The following CNTN4 variants were observed in gnomAD, a reference collection of about 807,000 sequenced individuals.
CNTN4 encodes contactin 4.
Under a neutral mutation model 122.5 loss-of-function variants are expected in CNTN4, and 77 were observed. The ratio of observed to expected loss-of-function variants is 0.63; its 90% CI spans 0.52 to 0.76. The LOEUF (loss-of-function observed/expected upper bound fraction) is 0.76. Ranked by LOEUF, CNTN4 falls within the 30% of genes least tolerant of loss-of-function variation. CNTN4 has a pLI of 0.00. For missense variants in CNTN4, 1,256 were observed against 1,259.1 expected, an observed-to-expected ratio of 1.00 and a Z score of 0.04; for synonymous variants, 512 against 447.0, an observed-to-expected ratio of 1.15 and a Z score of -1.83.
intron 2 of CNTN4, among the ~76,000 whole-genome samples, chr3:2,311,251 C>A (rs1322511832): frequency 6.6e-6 from 1 of 152,068 alleles, no homozygotes; most frequent in African/African-American, 2.4e-5. Flanking sequence ...TAAAGCATTG[C>A]AGATTGAGTT....
At chr3:2,815,453 A>G (rs1439516803) in intron 6 of CNTN4, among the ~76,000 whole-genome samples, 1 of 152,202 alleles carries the variant, frequency 6.6e-6, no homozygotes, top group East Asian at 1.9e-4. Flanking sequence ...ACAGTTCTCA[A>G]AAGAGGATAT....
chr3:2,678,237 A>AT (rs2084977190), intron 4 of CNTN4, among the ~76,000 whole-genome samples: 1 of 152,212 alleles, frequency 6.6e-6, no homozygotes, highest in East Asian at 1.9e-4. Flanking sequence ...CTTTCTATAG[A>AT]TTTTTTGAGC....
intron 2 of CNTN4, among the ~76,000 whole-genome samples, chr3:2,315,135 A>G (rs976660711): frequency 5.3e-5 from 8 of 152,128 alleles, no homozygotes; most frequent in African/African-American, 1.9e-4. Flanking sequence ...CACAGAATTA[A>G]AAGAATTAGC....
In CNTN4 at chr3:2,979,771, T is replaced by C. The variant is rs1435447927; in HGVS notation, c.1359-8574T>C. Among the ~76,000 whole-genome samples the C allele has an allele frequency of 2.0e-5, 3 of 152,228 alleles. No homozygotes were observed. In the East Asian group the frequency reaches 5.8e-4, roughly 29 times the overall value. ...ATGATCACTCCATAATTTCTTTCTT[T>C]GCAGAAGGAGAGAAGTGGTTTTCTA... On this transcript the variant is annotated intron_variant, in intron 13 of 24. Transcript: ENST00000418658.
chr3:2,684,856 G>A (rs190005393), intron 4 of CNTN4, among the ~76,000 whole-genome samples: 10 of 152,072 alleles, frequency 6.6e-5, no homozygotes, highest in African/African-American at 1.9e-4. Context: ...AAAAGGAATC[G>A]GGAGTGCTCA....
chr3:3,055,281 A>C (rs555344721), intron 24 of CNTN4, among the ~76,000 whole-genome samples: 2 of 152,352 alleles, frequency 1.3e-5, no homozygotes, highest in African/African-American at 4.8e-5. Flanking sequence ...TTCATTAAAA[A>C]TCTGACTTTA....
At chr3:2,495,787 T>G (rs1158212711) in intron 3 of CNTN4, among the ~76,000 whole-genome samples, 1 of 152,158 alleles carries the variant, frequency 6.6e-6, no homozygotes, top group African/African-American at 2.4e-5. Flanking sequence ...AAAATTGTCT[T>G]CCATGAAACC....
At chr3:2,578,689 T>G (rs972453505) in intron 4 of CNTN4, among the ~76,000 whole-genome samples, 5 of 152,300 alleles carry the variant, frequency 3.3e-5, no homozygotes, top group South Asian at 4.2e-4. Context: ...TTTTATTGTT[T>G]CTCTTTGTAA....
At chr3:2,676,267 G>A (rs185731432) in intron 4 of CNTN4, among the ~76,000 whole-genome samples, 2 of 152,128 alleles carry the variant, frequency 1.3e-5, no homozygotes, top group East Asian at 3.9e-4. Context: ...TGTCACCCAG[G>A]TTAGAGTGCA....
chr3:2,627,525 A>G (rs193155355), intron 4 of CNTN4, among the ~76,000 whole-genome samples: 62 of 124,892 alleles, frequency 5.0e-4, no homozygotes, highest in Non-Finnish European at 7.3e-4. Context: ...ATGGAATCTC[A>G]CTCTGTCGCC....
chr3:3,043,707 A>C lies in CNTN4; in HGVS notation c.2811+3A>C. 1.9e-6 allele frequency: 3 copies of C among 1,601,460 alleles called. No homozygotes were observed. The highest frequency in any genetic ancestry group is 2.6e-6 in the Non-Finnish European group (3 of 1,168,516). On this transcript the variant is annotated splice_donor_region_variant and intron_variant, in intron 23 of 24. Coordinates refer to ENST00000418658, the MANE Select transcript of CNTN4 (RefSeq NM_175607.3). The stretch of plus-strand genomic sequence containing the variant: ...AGTCGGAAGTAAAAGGATACAAAGT[A>C]GGTAATTTCTTTTTTGCAAAGGCAC...
intron 4 of CNTN4, among the ~76,000 whole-genome samples, chr3:2,735,611 A>G (rs1186017441): frequency 1.3e-5 from 2 of 152,206 alleles, no homozygotes; most frequent in African/African-American, 4.8e-5. Flanking sequence ...TAGACCATAT[A>G]TGGCTTCATA....
At chr3:2,943,630 A>ATATATAT (rs1553702084) in intron 13 of CNTN4, among the ~76,000 whole-genome samples, 13 of 128,230 alleles carry the variant, frequency 1.0e-4, no homozygotes, top group African/African-American at 3.0e-4. Context: ...ATATATATAT[A>ATATATAT]TTTTTTTTTT....
At chr3:2,554,820 C>A (rs1458568855) in intron 3 of CNTN4, among the ~76,000 whole-genome samples, 2 of 152,172 alleles carry the variant, frequency 1.3e-5, no homozygotes, top group Non-Finnish European at 1.5e-5. Context: ...CTCATAGTTT[C>A]CTAGTCGTTG....
intron 3 of CNTN4, among the ~76,000 whole-genome samples, chr3:2,392,585 G>C (rs1009177266): frequency 1.3e-5 from 2 of 152,084 alleles, no homozygotes; most frequent in South Asian, 2.1e-4. Context: ...ACATTCTGAA[G>C]TGATTAAATC....
At chr3:3,020,237 C>A (rs2125587907) in intron 14 of CNTN4, among the ~76,000 whole-genome samples, 1 of 152,264 alleles carries the variant, frequency 6.6e-6, no homozygotes, top group African/African-American at 2.4e-5. Flanking sequence ...CATAAGTTAT[C>A]TTTAACCAAC....
chr3:2,454,963 G>A (rs1415124636), intron 3 of CNTN4, among the ~76,000 whole-genome samples: 1 of 152,112 alleles, frequency 6.6e-6, no homozygotes, highest in African/African-American at 2.4e-5. Context: ...AAAGATAAAA[G>A]AGTCTTTGAT....
chr3:2,708,272 T>C (rs542263408), intron 4 of CNTN4, among the ~76,000 whole-genome samples: 146 of 152,254 alleles, frequency 9.6e-4, no homozygotes, highest in Non-Finnish European at 1.8e-3. Flanking sequence ...TGACAAGATA[T>C]CTTCATTTGC....
At position 3,045,483 on chromosome 3, in the gene CNTN4, T is replaced by C. The variant is rs567630958; in HGVS notation, c.2811+1779T>C. On this transcript the variant is annotated intron_variant, in intron 23 of 24. Coordinates refer to ENST00000418658, the MANE Select transcript of CNTN4 (RefSeq NM_175607.3). ...ATTTGCTGTTCAGCAATATTTGCTG[T>C]TTTGCAGCCTCCGCTGCTGAAACCC... Among the ~76,000 whole-genome samples the C allele has an allele frequency of 9.2e-5, 14 of 152,276 alleles. 1 individual carries two copies. In the South Asian group the frequency reaches 2.9e-3, roughly 32 times the overall value.
Sources: gnomAD v4.1 joint callset for allele counts (sites outside exome capture counted in the v4.1 genomes callset) on GRCh38, gnomAD v4.1.1 for gene constraint, MANE v1.5 for transcripts, NCBI Gene and HGNC (gene_info 2026-07-23, HGNC 2026-07-21) for gene names.